Variants in DERPC observed in about 807,000 individuals in gnomAD.
DERPC encodes DERPC proline and glycine rich nuclear protein, also known as decreased expression in renal and prostate cancer protein.
In DERPC, 1 loss-of-function variant was observed where a neutral mutation model predicts 7.2. The observed-to-expected ratio is 0.14, with a 90% confidence interval of 0.05 to 0.66. The LOEUF (loss-of-function observed/expected upper bound fraction) is 0.66. Among genes scored for constraint, DERPC ranks in the 30% least tolerant of loss-of-function variants. The pLI is 0.84. For synonymous variants in DERPC, 185 were observed against 117.6 expected, an observed-to-expected ratio of 1.57 and a Z score of -3.71; for missense variants, 502 against 299.4, an observed-to-expected ratio of 1.68 and a Z score of -4.99.
At chr16:69,130,211 C>T (rs1207425659) in intron 1 of DERPC, among the ~76,000 whole-genome samples, 1 of 152,120 alleles carries the variant, frequency 6.6e-6, no homozygotes, top group Non-Finnish European at 1.5e-5. Context: ...CCAATTAAAC[C>T]GAACATATGG....
intron 1 of DERPC, among the ~76,000 whole-genome samples, chr16:69,123,352 T>A (rs1961820323): frequency 6.6e-6 from 1 of 152,152 alleles, no homozygotes; most frequent in Non-Finnish European, 1.5e-5. Flanking sequence ...TCAAAGGGTC[T>A]CCCTTTAAAA....
chr16:69,125,225 T>C (rs759230272), intron 1 of DERPC, among the ~76,000 whole-genome samples: 4 of 152,168 alleles, frequency 2.6e-5, no homozygotes, highest in Admixed American at 2.0e-4. Context: ...CTTTTTAAAT[T>C]CAAATATAAG....
chr16:69,130,626 T>C (rs1367678205), intron 1 of DERPC, among the ~76,000 whole-genome samples: 4 of 152,226 alleles, frequency 2.6e-5, no homozygotes, highest in African/African-American at 7.2e-5. Context: ...ACACCTATTT[T>C]GAAAGGCTGT....
intron 1 of DERPC, among the ~76,000 whole-genome samples, chr16:69,124,869 G>A (rs1191320479): frequency 6.6e-6 from 1 of 151,972 alleles, no homozygotes; most frequent in African/African-American, 2.4e-5. Flanking sequence ...TCTACTCCTA[G>A]AGCACCAAAC....
Position 69,132,463 on chromosome 16 carries a change from GC to G in DERPC, c.-280+20del, listed in dbSNP as rs372312836. 1 of 207,996 alleles carries G rather than the reference GC, an allele frequency of 4.8e-6. No individual in the cohort carries two copies. Among genetic ancestry groups the G allele is most frequent in the Admixed American group, 6.2e-5 (1 of 16,152 alleles). The allele number at this position is 207,996 out of a possible 1,614,324, so 12.9% of individuals were successfully genotyped here. ...GCCCTCGCTCCCCGCAGCCTCCCGT[GC>G]CCCCCGCCCGCGGCCTGACCTGCAA... On this transcript the variant is annotated intron_variant, in intron 1 of 2. Transcript: ENST00000519520.
chr16:69,118,287 C>T lies in DERPC; in HGVS notation c.*567G>A. On this transcript the variant is annotated 3_prime_UTR_variant, in exon 3 of 3. Transcript: ENST00000519520. The stretch of plus-strand genomic sequence containing the variant: ...GAAGGGAGCTGCAGGCCCAGTCAGT[C>T]AAGCAGAAACTGCATTCGGTGGGTC... 5 of 1,015,398 alleles carry T rather than the reference C, an allele frequency of 4.9e-6. 1 individual carries two copies. The Admixed American group carries it at 7.0e-5, about 14-fold the overall frequency. The allele number at this position is 1,015,398 out of a possible 1,614,324, so 62.9% of individuals were successfully genotyped here.
chr16:69,128,097 T>C (rs1459073238), intron 1 of DERPC, among the ~76,000 whole-genome samples: 1 of 151,804 alleles, frequency 6.6e-6, no homozygotes, highest in Non-Finnish European at 1.5e-5. Context: ...GTATTTTTAG[T>C]AGAGATGGGG....
chr16:69,126,875 A>C (rs769509935), intron 1 of DERPC, among the ~76,000 whole-genome samples: 1 of 151,950 alleles, frequency 6.6e-6, no homozygotes, highest in Non-Finnish European at 1.5e-5. Flanking sequence ...GTAGGTAGGG[A>C]TTCCTGAGTA....
At chr16:69,125,213 G>A (rs1232719684) in intron 1 of DERPC, among the ~76,000 whole-genome samples, 1 of 152,124 alleles carries the variant, frequency 6.6e-6, no homozygotes, top group South Asian at 2.1e-4. Flanking sequence ...CAACTCACTA[G>A]ACTTTTTAAA....
Position 69,129,713 on chromosome 16 carries a change from C to A in DERPC, c.-280+2771G>T, listed in dbSNP as rs1397334948. Among the ~76,000 whole-genome samples the A allele has an allele frequency of 2.6e-5, 4 of 152,294 alleles. No individual in the cohort carries two copies. The South Asian group carries it at 6.2e-4, about 24-fold the overall frequency. On this transcript the variant is annotated intron_variant, in intron 1 of 2. Coordinates refer to ENST00000519520, the MANE Select transcript of DERPC (RefSeq NM_001002847.4). The stretch of plus-strand genomic sequence containing the variant: ...ACAATCTGGCCCCTCTTGCAGTTCT[C>A]CTCACACAGCCCCCTCCTGTAAAGC...
At chr16:69,131,119 T>A (rs1245071886) in intron 1 of DERPC, among the ~76,000 whole-genome samples, 1 of 152,202 alleles carries the variant, frequency 6.6e-6, no homozygotes, top group Non-Finnish European at 1.5e-5. Context: ...TCTAAAATCC[T>A]GTTTCCAAAT....
chr16:69,121,592 C>G, intron 1 of DERPC, 99 bp from the exon 2 acceptor site: 2 of 678,326 alleles, frequency 2.9e-6, no homozygotes, highest in Non-Finnish European at 5.0e-6. Context: ...ATTCTCCTGC[C>G]TCAGCCTCCC....
intron 1 of DERPC, among the ~76,000 whole-genome samples, chr16:69,122,085 C>G (rs116763273): frequency 1.3e-5 from 2 of 152,098 alleles, no homozygotes; most frequent in African/African-American, 4.8e-5. Flanking sequence ...CATGCCTGGC[C>G]GACAACTAAT....
chr16:69,128,764 A>G (rs1413054029), intron 1 of DERPC, among the ~76,000 whole-genome samples: 1 of 152,082 alleles, frequency 6.6e-6, no homozygotes, highest in African/African-American at 2.4e-5. Flanking sequence ...TGAAATTAGT[A>G]ACTATTATTA....
At chr16:69,127,255 C>T (rs1372997075) in intron 1 of DERPC, among the ~76,000 whole-genome samples, 3 of 150,174 alleles carry the variant, frequency 2.0e-5, no homozygotes, top group African/African-American at 7.3e-5. Context: ...AAAAAAAAAG[C>T]ATATGAGAAC....
chr16:69,118,677 A>AAAT lies in DERPC; in HGVS notation c.*174_*176dup. 2 of 676,524 alleles carry AAAT rather than the reference A, an allele frequency of 3.0e-6. No homozygotes were observed. Among genetic ancestry groups the AAAT allele is most frequent in the East Asian group, 5.4e-5 (2 of 37,006 alleles). 41.9% of individuals were successfully genotyped at this position (676,524 alleles called of 1,614,324 possible). Reference sequence around the variant, plus strand: ...CCACCTGCCACAGTTCACATGCCACAAATAACATCTCACCTTCAGTCAAGA... The same window carrying AAAT: ...CCACCTGCCACAGTTCACATGCCACAAATAATAACATCTCACCTTCAGTCAAGA... On this transcript the variant is annotated 3_prime_UTR_variant, in exon 3 of 3. Transcript: ENST00000519520.
At position 69,118,298 on chromosome 16, in the gene DERPC, T is replaced by G; in HGVS notation, c.*556A>C. 9.0e-7 allele frequency: 1 copy of G among 1,109,992 alleles called. No individual in the cohort carries two copies. Among genetic ancestry groups the G allele is most frequent in the Non-Finnish European group, 1.4e-6 (1 of 721,810 alleles). The allele number at this position is 1,109,992 out of a possible 1,614,324, so 68.8% of individuals were successfully genotyped here. A position where few individuals can be genotyped will look rare whatever the true frequency, so the allele number is the denominator to read the frequency against. On this transcript the variant is annotated 3_prime_UTR_variant, in exon 3 of 3. Coordinates refer to ENST00000519520, the MANE Select transcript of DERPC (RefSeq NM_001002847.4). Reference sequence around the variant, plus strand: ...CAGGCCCAGTCAGTCAAGCAGAAACTGCATTCGGTGGGTCTTTCTTTGAAG... The same window carrying G: ...CAGGCCCAGTCAGTCAAGCAGAAACGGCATTCGGTGGGTCTTTCTTTGAAG...
Position 69,119,329 on chromosome 16 carries a change from C to T in DERPC, c.1100G>A (p.Gly367Asp), listed in dbSNP as rs897465159. Residue 367 changes from glycine (G) to aspartate (D), a missense_variant, in exon 3 of 3, where the codon GGT (glycine) becomes GAT (aspartate). Transcript: ENST00000519520. Reference sequence around the variant, plus strand: ...AGAAGACTGAGAAAAGGCAGATGAACCTGCTCCCCTGGGAAAGGGATTGGC... The same window carrying T: ...AGAAGACTGAGAAAAGGCAGATGAATCTGCTCCCCTGGGAAAGGGATTGGC... ...VNANPFPRGAGSSAFSQSSGT... is the reference protein window; with the variant it reads ...VNANPFPRGADSSAFSQSSGT... The T allele has an allele frequency of 1.4e-6, 1 of 703,072 alleles. No homozygotes were observed. The highest frequency in any genetic ancestry group is 2.7e-5 in the East Asian group (1 of 37,280). 43.6% of individuals were successfully genotyped at this position (703,072 alleles called of 1,614,324 possible).
Position 69,120,494 on chromosome 16 carries a change from G to T in DERPC, c.-66C>A. The T allele has an allele frequency of 6.2e-7, 1 of 1,614,122 alleles. No homozygotes were observed. Among genetic ancestry groups the T allele is most frequent in the Non-Finnish European group, 8.5e-7 (1 of 1,180,018 alleles). On this transcript the variant is annotated 5_prime_UTR_variant, in exon 3 of 3. Coordinates refer to ENST00000519520, the MANE Select transcript of DERPC (RefSeq NM_001002847.4). This position sits in a 1 kb window ranked among gnomAD's most constrained non-coding sequence, Gnocchi z 4.0. ...TTTTGAAAAGGATCTTGTCTTTGAT[G>T]AGTGCTGTCACCAGGTACCGGGTGC...
Sources: gnomAD v4.1 joint callset for allele counts (sites outside exome capture counted in the v4.1 genomes callset) on GRCh38, gnomAD v4.1.1 for gene constraint, Gnocchi (gnomAD v3.1) non-coding constraint, MANE v1.5 for transcripts, NCBI Gene and HGNC (gene_info 2026-07-23, HGNC 2026-07-21) for gene names.